The following PIWIL3 variants were observed in gnomAD, a reference collection of about 807,000 sequenced individuals.
PIWIL3 encodes piwi like RNA-mediated gene silencing 3.
A neutral mutation model predicts 109.7 loss-of-function variants in PIWIL3; 101 were observed. The ratio of observed to expected loss-of-function variants is 0.92; its 90% CI spans 0.78 to 1.09. The LOEUF is 1.09. PIWIL3 is among the 50% of genes least tolerant of loss of function. The pLI is 0.00. For missense variants in PIWIL3, 1,031 were observed against 1,072.6 expected (o/e 0.96, Z 0.54); for synonymous variants, 373 against 376.4 (o/e 0.99, Z 0.10).
At chr22:24,722,601 T>TA (rs1489269736) in intron 19 of PIWIL3, among the ~76,000 whole-genome samples, 2 of 151,986 alleles carry the variant, frequency 1.3e-5, no homozygotes, top group Non-Finnish European at 2.9e-5. Flanking sequence ...TAAGCCCAGC[T>TA]ACTTGGCAGG....
intron 2 of PIWIL3, among the ~76,000 whole-genome samples, chr22:24,760,842 A>C (rs531782206): frequency 1.0e-3 from 154 of 151,284 alleles, no homozygotes; most frequent in South Asian, 5.3e-3. Context: ...GACATGAACT[A>C]ATTTGTCAGG....
intron 12 of PIWIL3, among the ~76,000 whole-genome samples, chr22:24,744,157 T>A (rs1924173858): frequency 1.2e-5 from 1 of 82,396 alleles, no homozygotes; most frequent in Non-Finnish European, 2.3e-5. Flanking sequence ...GACTAAACTC[T>A]AATTGAAAGA....
intron 12 of PIWIL3, among the ~76,000 whole-genome samples, chr22:24,739,173 G>A (rs1923833448): frequency 6.6e-6 from 1 of 151,836 alleles, no homozygotes. Flanking sequence ...ACATAGAGGA[G>A]ACAAAAGAAA....
In PIWIL3 at chr22:24,724,931, T is replaced by A. The variant is rs147802187; in HGVS notation, c.2187A>T (p.Glu729Asp). 21 of 1,614,072 alleles carry A rather than the reference T, an allele frequency of 1.3e-5. No homozygotes were observed. Among genetic ancestry groups the A allele is most frequent in the Non-Finnish European group, 1.4e-5 (17 of 1,180,038 alleles). Reference protein sequence around the residue: ...DGQLQALLDHEAKKMSTYLKT... With the variant: ...DGQLQALLDHDAKKMSTYLKT... ...TTAAGTAGGTCGACATCTTTTTCGC[T>A]TCATGGTCAAGCAATGCTTGAAGCT... The change falls in exon 18 of 21, where the codon GAA becomes GAT. Residue 729 changes from glutamate (E) to aspartate (D), a missense_variant. By Grantham distance (45) the Glu-to-Asp change is conservative (BLOSUM62 2). Coordinates refer to ENST00000616349, the MANE Select transcript of PIWIL3 (RefSeq NM_001255975.1).
At chr22:24,757,637 C>CACAT (rs371066474) in intron 4 of PIWIL3, among the ~76,000 whole-genome samples, 18 of 122,814 alleles carry the variant, frequency 1.5e-4, no homozygotes, top group Admixed American at 5.6e-4. Flanking sequence ...CACACACACA[C>CACAT]ATATATAAAA....
intron 12 of PIWIL3, among the ~76,000 whole-genome samples, chr22:24,744,433 C>T (rs919404425): frequency 8.6e-5 from 13 of 151,896 alleles, no homozygotes; most frequent in Admixed American, 4.6e-4. Flanking sequence ...ATTAGCTGGG[C>T]GTGGTGGCAC....
Position 24,729,933 on chromosome 22 carries a change from CTT to C in PIWIL3, c.1708-1561_1708-1560del, listed in dbSNP as rs77524370. 2.4e-3 allele frequency among the ~76,000 whole-genome samples: 296 copies of C among 125,820 alleles called. 9 individuals are homozygous for C. The highest frequency in any genetic ancestry group is 0.021 in the Admixed American group (263 of 12,774). 82.5% of individuals were successfully genotyped at this position (125,820 alleles called of 152,430 possible). ...TCTATACTGATGGATTCTACTTTTT[CTT>C]TTTTTTTTTTTTTAGCTTTAGTCTT... On this transcript the variant is annotated intron_variant, in intron 14 of 20. Transcript: ENST00000616349.
chr22:24,719,124 AC>A lies in PIWIL3; in HGVS notation c.*347del, dbSNP rs1922511205. On this transcript the variant is annotated 3_prime_UTR_variant, in exon 21 of 21. Coordinates refer to ENST00000616349, the MANE Select transcript of PIWIL3 (RefSeq NM_001255975.1). ...AAACGTAGTTTTCCAAGTAGAGTTT[AC>A]TTGTTCACAGATGTACTCTCTCTGT... 1 of 157,824 alleles carries A rather than the reference AC, an allele frequency of 6.3e-6. No individual in the cohort carries two copies. Among genetic ancestry groups the A allele is most frequent in the Non-Finnish European group, 1.4e-5 (1 of 71,942 alleles). 9.8% of individuals were successfully genotyped at this position (157,824 alleles called of 1,614,324 possible).
chr22:24,744,207 A>AAAAAAAAAAAAAAAAAAAAC (rs1569103685), intron 12 of PIWIL3, among the ~76,000 whole-genome samples: 1 of 135,036 alleles, frequency 7.4e-6, no homozygotes, highest in Non-Finnish European at 1.6e-5. Context: ...AAAAAAAAAA[A>AAAAAAAAAAAAAAAAAAAAC]CAATGATCTG....
At chr22:24,723,090 A>C (rs1484206810) in intron 19 of PIWIL3, 40 bp downstream of exon 19, 1 of 1,588,964 alleles carries the variant, frequency 6.3e-7, no homozygotes, top group South Asian at 1.1e-5. Flanking sequence ...GGAAATTGAG[A>C]AAATCATAGA....
At chr22:24,733,972 T>A (rs1923502215) in intron 14 of PIWIL3, 112 bp downstream of exon 14, 25 of 1,205,548 alleles carry the variant, frequency 2.1e-5, no homozygotes, top group Non-Finnish European at 2.7e-5. Flanking sequence ...GTTAATCTGC[T>A]TTCGTTGGCA....
chr22:24,734,291 G>GA lies in PIWIL3; in HGVS notation c.1635-136dup, dbSNP rs767771406. 10 of 1,348,544 alleles carry GA rather than the reference G, an allele frequency of 7.4e-6. No homozygotes were observed. In the Admixed American group the frequency reaches 1.9e-4, roughly 25 times the overall value. 83.5% of individuals were successfully genotyped at this position (1,348,544 alleles called of 1,614,324 possible). A position where few individuals can be genotyped will look rare whatever the true frequency, so the allele number is the denominator to read the frequency against. ...ATTTCAGTAGAAAGTATGTTTAAAA[G>GA]AAAAAAGACAGTAGACTTTCAGTTT... On this transcript the variant is annotated intron_variant, in intron 13 of 20. Transcript: ENST00000616349.
intron 1 of PIWIL3, among the ~76,000 whole-genome samples, chr22:24,764,921 C>T (rs929686827): frequency 7.9e-5 from 12 of 152,142 alleles, no homozygotes; most frequent in Non-Finnish European, 1.8e-4. Context: ...AATGGATAAA[C>T]TGAGCCTCGC....
At chr22:24,767,120 G>A (rs1263225459) in intron 1 of PIWIL3, among the ~76,000 whole-genome samples, 1 of 151,842 alleles carries the variant, frequency 6.6e-6, no homozygotes, top group Non-Finnish European at 1.5e-5. Context: ...CAGCCCGGGT[G>A]ACAGAGTGAG....
chr22:24,768,144 C>T (rs1248728898), intron 1 of PIWIL3, among the ~76,000 whole-genome samples: 1 of 152,160 alleles, frequency 6.6e-6, no homozygotes, highest in Non-Finnish European at 1.5e-5. Context: ...GGGGACTGCA[C>T]AGAGCTGACA....
intron 1 of PIWIL3, among the ~76,000 whole-genome samples, chr22:24,771,769 T>C (rs887160935): frequency 6.6e-6 from 1 of 151,616 alleles, no homozygotes; most frequent in Non-Finnish European, 1.5e-5. Flanking sequence ...AGTCTTGCCC[T>C]GTCGCCCAGG....
chr22:24,721,966 T>C (rs750356500), intron 19 of PIWIL3, among the ~76,000 whole-genome samples: 12 of 152,258 alleles, frequency 7.9e-5, no homozygotes, highest in African/African-American at 7.2e-5. Flanking sequence ...AACTATTTTG[T>C]AGCATATTCA....
intron 19 of PIWIL3, among the ~76,000 whole-genome samples, chr22:24,720,289 T>TTTTTTTTTTTTTTTTTTTG (rs1922597849): frequency 8.1e-6 from 1 of 123,550 alleles, no homozygotes; most frequent in African/African-American, 3.1e-5. Context: ...TTTTTTTTTT[T>TTTTTTTTTTTTTTTTTTTG]TAGACGGAGT....
At chr22:24,772,319 C>T (rs982714926) in intron 1 of PIWIL3, among the ~76,000 whole-genome samples, 12 of 152,140 alleles carry the variant, frequency 7.9e-5, no homozygotes, top group African/African-American at 2.7e-4. Context: ...ATAATAGGAG[C>T]TCATTAAATA....
Sources: gnomAD v4.1 joint callset for allele counts (sites outside exome capture counted in the v4.1 genomes callset) on GRCh38, gnomAD v4.1.1 for gene constraint, MANE v1.5 for transcripts, NCBI Gene and HGNC (gene_info 2026-07-23, HGNC 2026-07-21) for gene names.